Variants in PDE10A observed in about 807,000 individuals in gnomAD.
PDE10A encodes the protein cAMP and cAMP-inhibited cGMP 3',5'-cyclic phosphodiesterase 10A.
A neutral mutation model predicts 97.7 loss-of-function variants in PDE10A; 39 were observed. The observed-to-expected ratio is 0.40, with a 90% CI of 0.31 to 0.52. The LOEUF (loss-of-function observed/expected upper bound fraction) is 0.52, where lower values mean the gene tolerates loss of function less well. Among genes scored for constraint, PDE10A ranks in the 20% least tolerant of loss-of-function variants. The probability of loss-of-function intolerance (pLI) is 0.56; values close to 1 mark genes in which losing one functional copy is unlikely to be tolerated. For synonymous variants in PDE10A, 371 were observed against 376.8 expected (o/e 0.98, Z 0.18); for missense variants, 731 against 1,047.8 (o/e 0.70, Z 4.17).
At chr6:165,738,448 T>C (rs1792637118) in intron 1 of PDE10A, among the ~76,000 whole-genome samples, 4 of 151,226 alleles carry the variant, frequency 2.6e-5, no homozygotes, top group East Asian at 1.9e-4. Context: ...GTCTTTGCTA[T>C]TGTGAATAAT....
intron 3 of PDE10A, among the ~76,000 whole-genome samples, chr6:165,472,788 G>C (rs986327364): frequency 1.2e-4 from 18 of 152,106 alleles, no homozygotes; most frequent in African/African-American, 3.9e-4. Context: ...ACATACAGAA[G>C]TATGTGTATT....
intron 20 of PDE10A, among the ~76,000 whole-genome samples, chr6:165,338,726 T>C (rs1376780933): frequency 6.6e-6 from 1 of 152,214 alleles, no homozygotes; most frequent in Non-Finnish European, 1.5e-5. Context: ...CCACCCCCTC[T>C]ATTTCAAGTC....
At chr6:165,969,836 A>G (rs955966296) in intron 1 of PDE10A, among the ~76,000 whole-genome samples, 10 of 152,236 alleles carry the variant, frequency 6.6e-5, no homozygotes, top group Non-Finnish European at 1.5e-5. Flanking sequence ...ATAGGAAACC[A>G]TAAGTCCATA....
chr6:165,984,642 T>C (rs978980727), intron 1 of PDE10A, among the ~76,000 whole-genome samples: 5 of 152,288 alleles, frequency 3.3e-5, no homozygotes, highest in African/African-American at 1.2e-4. Context: ...CCCCCAAAGA[T>C]GGAGAAATAC....
chr6:165,820,073 G>A (rs1779527025), intron 1 of PDE10A, among the ~76,000 whole-genome samples: 1 of 152,146 alleles, frequency 6.6e-6, no homozygotes, highest in Non-Finnish European at 1.5e-5. Flanking sequence ...TACTACAAAT[G>A]CAACCACTAA....
intron 1 of PDE10A, among the ~76,000 whole-genome samples, chr6:165,698,137 T>G (rs1791484588): frequency 6.6e-6 from 1 of 152,176 alleles, no homozygotes; most frequent in African/African-American, 2.4e-5. Flanking sequence ...TTCCTGAATT[T>G]TAAATGCTAT....
intron 1 of PDE10A, among the ~76,000 whole-genome samples, chr6:165,785,184 T>A (rs934913739): frequency 6.6e-6 from 1 of 152,238 alleles, no homozygotes; most frequent in Admixed American, 6.5e-5. Flanking sequence ...AAAATGGACT[T>A]AGGGTCCTTG....
At chr6:165,635,098 G>A (rs1175300498) in intron 1 of PDE10A, among the ~76,000 whole-genome samples, 3 of 152,186 alleles carry the variant, frequency 2.0e-5, no homozygotes, top group African/African-American at 7.2e-5. Context: ...AGTAAATTGA[G>A]TGGGCAACTC....
intron 1 of PDE10A, among the ~76,000 whole-genome samples, chr6:165,596,246 G>A (rs370311514): frequency 4.6e-5 from 7 of 152,210 alleles, no homozygotes; most frequent in African/African-American, 9.6e-5. Context: ...AAAAGTATCC[G>A]CAATCCTTTC....
chr6:165,413,790 A>G, intron 12 of PDE10A, 103 bp from the exon 13 acceptor site: 1 of 850,506 alleles, frequency 1.2e-6, no homozygotes, highest in Admixed American at 2.6e-5. Flanking sequence ...CAATTTACAT[A>G]TGCTTCTATT....
intron 21 of PDE10A, among the ~76,000 whole-genome samples, chr6:165,334,295 G>A (rs373513382): frequency 4.0e-5 from 6 of 150,192 alleles, no homozygotes; most frequent in South Asian, 4.2e-4. Flanking sequence ...CGCCGGGCAC[G>A]CGCCTCCATA....
intron 9 of PDE10A, among the ~76,000 whole-genome samples, chr6:165,429,301 A>C (rs936769564): frequency 6.6e-6 from 1 of 152,072 alleles, no homozygotes; most frequent in Non-Finnish European, 1.5e-5. Context: ...CTAAAATGTC[A>C]ATCTGAAAAA....
At chr6:165,449,096 T>A in intron 4 of PDE10A, 119 bp from the exon 5 acceptor site, 2 of 722,316 alleles carry the variant, frequency 2.8e-6, no homozygotes, top group Non-Finnish European at 5.1e-6. Flanking sequence ...ACAGAATCAA[T>A]GGTCATGCAG....
chr6:165,815,967 T>G (rs78758725), intron 1 of PDE10A, among the ~76,000 whole-genome samples: 12 of 150,248 alleles, frequency 8.0e-5, no homozygotes, highest in Non-Finnish European at 1.5e-4. Flanking sequence ...TTTTTTTTTT[T>G]GAAATGGAGT....
intron 10 of PDE10A, among the ~76,000 whole-genome samples, chr6:165,419,800 T>C (rs903360845): frequency 9.9e-5 from 15 of 152,146 alleles, no homozygotes; most frequent in African/African-American, 3.6e-4. Flanking sequence ...ATCCTTACAG[T>C]AAAACAGCCA....
chr6:165,923,455 C>T (rs1467670828), intron 1 of PDE10A, among the ~76,000 whole-genome samples: 3 of 152,196 alleles, frequency 2.0e-5, no homozygotes, highest in Non-Finnish European at 1.5e-5. Context: ...TATGTAGATA[C>T]ATTGGCTCAC....
At chr6:165,423,799 G>C (rs752912046) in intron 10 of PDE10A, among the ~76,000 whole-genome samples, 1 of 150,646 alleles carries the variant, frequency 6.6e-6, no homozygotes, top group African/African-American at 2.4e-5. Context: ...GCAGTGAGCC[G>C]AGATCATGCC....
chr6:165,550,373 C>G (rs1051154575), intron 1 of PDE10A, among the ~76,000 whole-genome samples: 1 of 152,084 alleles, frequency 6.6e-6, no homozygotes, highest in Admixed American at 6.5e-5. Flanking sequence ...AGCCCAGATA[C>G]AAACAATAAG....
chr6:165,550,960 A>G (rs1056018794), intron 1 of PDE10A, among the ~76,000 whole-genome samples: 1 of 152,232 alleles, frequency 6.6e-6, no homozygotes, highest in Non-Finnish European at 1.5e-5. Context: ...ACAATTCCAA[A>G]ACATATACCA....
Sources: gnomAD v4.1 joint callset for allele counts (sites outside exome capture counted in the v4.1 genomes callset) on GRCh38, gnomAD v4.1.1 for gene constraint, MANE v1.5 for transcripts, NCBI Gene and HGNC (gene_info 2026-07-23, HGNC 2026-07-21) for gene names.